RPS6KA6: variants seen among roughly 807,000 people sequenced by gnomAD.
RPS6KA6 encodes the protein ribosomal protein S6 kinase A6, also known as ribosomal protein S6 kinase alpha-6.
In RPS6KA6, 27 loss-of-function variants were observed where a neutral mutation model predicts 65.4. That is an observed-to-expected ratio of 0.41 (90% CI 0.30 to 0.57). RPS6KA6 has a LOEUF of 0.57. Ranked by LOEUF, RPS6KA6 falls within the 20% of genes least tolerant of loss-of-function variation. The probability of loss-of-function intolerance (pLI) is 0.24; values close to 1 mark genes in which losing one functional copy is unlikely to be tolerated. For missense variants in RPS6KA6, 486 were observed against 555.6 expected (o/e 0.87, Z 1.26); for synonymous variants, 190 against 184.2 (o/e 1.03, Z -0.26).
intron 1 of RPS6KA6, 145 bp from the exon 2 acceptor site, chrX:84,164,532 G>A: frequency 2.3e-6 from 1 of 442,953 alleles, no homozygotes; most frequent in Non-Finnish European, 3.9e-6. Context: ...ACACATAGAA[G>A]TACTTAGAAA....
rs190969841 is a variant in RPS6KA6 at position 84,059,932 on chromosome X, T to C, written c.*4345A>G. ...TTTCCATATTCTAAAACTTTTGTTT[T>C]TCTAAATATTTCAAAGAAACTTATG... On this transcript the variant is annotated 3_prime_UTR_variant, in exon 22 of 22. Coordinates refer to ENST00000262752, the MANE Select transcript of RPS6KA6 (RefSeq NM_014496.5). 7.6e-4 allele frequency: 86 copies of C among 112,435 alleles called. 1 individual carries two copies. The East Asian group carries it at 0.022, about 29-fold the overall frequency. The allele number at this position is 112,435 out of a possible 1,213,427, so 9.3% of individuals were successfully genotyped here. A position where few individuals can be genotyped will look rare whatever the true frequency, so the allele number is the denominator to read the frequency against.
rs183464457 is a variant in RPS6KA6 at position 84,087,262 on chromosome X, A to T, written c.1971+8932T>A. 1.1e-4 allele frequency among the ~76,000 whole-genome samples: 12 copies of T among 111,121 alleles called. 1 individual carries two copies. The highest frequency in any genetic ancestry group is 7.7e-4 in the Admixed American group (8 of 10,410). ...GTTTCATAATGTAACTGGTCTGTGT[A>T]CTTCAGTGTGTTTTTGTAGTGGCTG... On this transcript the variant is annotated intron_variant, in intron 20 of 21. Coordinates refer to ENST00000262752, the MANE Select transcript of RPS6KA6 (RefSeq NM_014496.5).
chrX:84,174,802 G>A (rs1490111605), intron 1 of RPS6KA6, among the ~76,000 whole-genome samples: 1 of 111,292 alleles, frequency 9.0e-6, no homozygotes, highest in East Asian at 2.8e-4. Context: ...GGAGGAAAGG[G>A]ATCTCATCAT....
At chrX:84,110,825 G>GT (rs1432045582) in intron 12 of RPS6KA6, among the ~76,000 whole-genome samples, 1 of 111,021 alleles carries the variant, frequency 9.0e-6, no homozygotes, top group Non-Finnish European at 1.9e-5. Flanking sequence ...AAACGTCACA[G>GT]TACCTACCTA....
At chrX:84,170,632 A>G (rs1318697443) in intron 1 of RPS6KA6, among the ~76,000 whole-genome samples, 2 of 110,561 alleles carry the variant, frequency 1.8e-5, no homozygotes, top group East Asian at 5.6e-4. Context: ...TCTGGCTCAA[A>G]GGCAAAAAAA....
chrX:84,124,184 GT>G (rs1054362730), intron 8 of RPS6KA6, among the ~76,000 whole-genome samples: 3 of 111,160 alleles, frequency 2.7e-5, no homozygotes, highest in African/African-American at 6.6e-5. Flanking sequence ...AGAAGGACAG[GT>G]ACAAACAAGC....
chrX:84,167,763 G>A, intron 1 of RPS6KA6, among the ~76,000 whole-genome samples: 2 of 110,854 alleles, frequency 1.8e-5, no homozygotes, highest in South Asian at 7.7e-4. Flanking sequence ...TGACTACAAA[G>A]AGGCATCACA....
At chrX:84,098,215 G>A (rs189384336) in intron 18 of RPS6KA6, among the ~76,000 whole-genome samples, 226 of 111,398 alleles carry the variant, frequency 2.0e-3, no homozygotes, top group African/African-American at 7.0e-3. Flanking sequence ...AAACTAGTAA[G>A]TAGTAGAACA....
chrX:84,099,262 G>C (rs2034215772), intron 18 of RPS6KA6, among the ~76,000 whole-genome samples: 1 of 111,128 alleles, frequency 9.0e-6, no homozygotes, highest in African/African-American at 3.3e-5. Flanking sequence ...ACTTGTTTTA[G>C]GTAAAGAAGA....
chrX:84,072,324 C>T (rs1443788057), intron 20 of RPS6KA6, among the ~76,000 whole-genome samples: 1 of 111,546 alleles, frequency 9.0e-6, no homozygotes, highest in Non-Finnish European at 1.9e-5. Context: ...ATTTAAAATG[C>T]AGAAAAAGCA....
At chrX:84,095,492 T>G (rs1324037472) in intron 20 of RPS6KA6, among the ~76,000 whole-genome samples, 1 of 111,897 alleles carries the variant, frequency 8.9e-6, no homozygotes, top group Non-Finnish European at 1.9e-5. Flanking sequence ...ACTGGCCACA[T>G]GTGGCTATTA....
At chrX:84,091,179 G>T (rs1477303306) in intron 20 of RPS6KA6, among the ~76,000 whole-genome samples, 5 of 111,967 alleles carry the variant, frequency 4.5e-5, no homozygotes, top group Non-Finnish European at 9.4e-5. Context: ...TCTATTAAAA[G>T]CGACTTCAAG....
intron 20 of RPS6KA6, among the ~76,000 whole-genome samples, chrX:84,079,713 A>G (rs2033748100): frequency 8.9e-6 from 1 of 112,193 alleles, no homozygotes; most frequent in Non-Finnish European, 1.9e-5. Flanking sequence ...CCACCCGGAA[A>G]GTGAAACTGG....
At chrX:84,134,974 T>C in intron 7 of RPS6KA6, 130 bp downstream of exon 7, 5 of 612,780 alleles carry the variant, frequency 8.2e-6, no homozygotes, top group Non-Finnish European at 1.3e-5. Flanking sequence ...CTCACAAAGA[T>C]TACTTTTTAC....
intron 20 of RPS6KA6, among the ~76,000 whole-genome samples, chrX:84,067,313 T>C (rs2033426985): frequency 9.0e-6 from 1 of 111,355 alleles, no homozygotes; most frequent in Non-Finnish European, 1.9e-5. Context: ...AGAAGGTGGG[T>C]AATAACAAAC....
At chrX:84,176,851 G>GA (rs754829469) in intron 1 of RPS6KA6, among the ~76,000 whole-genome samples, 2 of 111,701 alleles carry the variant, frequency 1.8e-5, no homozygotes, top group East Asian at 5.6e-4. Context: ...TTTATATGTG[G>GA]AAAAAAGTCA....
chrX:84,151,297 A>G lies in RPS6KA6; in HGVS notation c.259-3174T>C, dbSNP rs188098275. 6.2e-3 allele frequency among the ~76,000 whole-genome samples: 661 copies of G among 105,979 alleles called. 3 individuals are homozygous for G. Among genetic ancestry groups the G allele is most frequent in the African/African-American group, 0.022 (635 of 29,284 alleles). 92.0% of individuals were successfully genotyped at this position (105,979 alleles called of 115,157 possible). A position where few individuals can be genotyped will look rare whatever the true frequency, so the allele number is the denominator to read the frequency against. On this transcript the variant is annotated intron_variant, in intron 3 of 21. Transcript: ENST00000262752. ...TATACATATATATACACACATACAT[A>G]TCTGTGAAGCGCAATGAAGTGAAGG...
At chrX:84,099,482 C>G (rs1325668550) in intron 18 of RPS6KA6, among the ~76,000 whole-genome samples, 1 of 111,156 alleles carries the variant, frequency 9.0e-6, no homozygotes, top group African/African-American at 3.3e-5. Flanking sequence ...CCCAAGTCAG[C>G]AGAAAGTAAC....
rs768948255 is a variant in RPS6KA6, at chrX:84,076,265, C to CT, written c.1972-11155dup. 8.1e-5 allele frequency among the ~76,000 whole-genome samples: 9 copies of CT among 111,710 alleles called. No homozygotes were observed. In the South Asian group the frequency reaches 3.0e-3, roughly 37 times the overall value. The stretch of plus-strand genomic sequence containing the variant: ...AATAAGAAATTCTAATTCTAAATAA[C>CT]TTTTTTCAGAAATTTGAAGAGGAGG... On this transcript the variant is annotated intron_variant, in intron 20 of 21. Coordinates refer to ENST00000262752, the MANE Select transcript of RPS6KA6 (RefSeq NM_014496.5).
Sources: allele counts gnomAD v4.1 joint callset (sites outside exome capture counted in the v4.1 genomes callset), GRCh38; gene constraint gnomAD v4.1.1; transcripts MANE v1.5; gene names NCBI Gene and HGNC (gene_info 2026-07-23, HGNC 2026-07-21).